The following XKR6 variants were observed in gnomAD, a reference collection of about 807,000 sequenced individuals.
XKR6 encodes the protein XK related 6, also known as XK-related protein 6.
XKR6 carries 22 observed loss-of-function variants against 56.7 expected under a neutral mutation model. The ratio of observed to expected loss-of-function variants is 0.39; its 90% CI spans 0.28 to 0.55. XKR6 has a LOEUF of 0.55. Among genes scored for constraint, XKR6 ranks in the 20% least tolerant of loss-of-function variants. XKR6 has a pLI of 0.66. For synonymous variants in XKR6, 524 were observed against 387.8 expected (o/e 1.35, Z -4.13); for missense variants, 852 against 889.0 (o/e 0.96, Z 0.53).
chr8:11,144,236 G>GTGTGTGTGTA (rs1800864482), intron 1 of XKR6, among the ~76,000 whole-genome samples: 1 of 150,506 alleles, frequency 6.6e-6, no homozygotes, highest in South Asian at 2.1e-4. Context: ...GTGTGTGTGT[G>GTGTGTGTGTA]TGTGTGTGTG....
intron 1 of XKR6, among the ~76,000 whole-genome samples, chr8:11,116,662 C>T (rs1003712372): frequency 6.6e-6 from 1 of 152,182 alleles, no homozygotes; most frequent in Non-Finnish European, 1.5e-5. Flanking sequence ...GGAGCCACTA[C>T]ACCAGGCCTA....
At chr8:11,195,114 TG>T (rs1803801290) in intron 1 of XKR6, 1 of 702,984 alleles carries the variant, frequency 1.4e-6, no homozygotes, top group Non-Finnish European at 2.6e-6. Flanking sequence ...CAAGTATTTC[TG>T]GATTTTTCAG....
intron 1 of XKR6, among the ~76,000 whole-genome samples, chr8:10,988,009 C>T (rs534274418): frequency 3.4e-4 from 52 of 152,332 alleles, no homozygotes; most frequent in African/African-American, 1.3e-3. Context: ...CCAGGGCTGT[C>T]CCCTTGTTTT....
intron 1 of XKR6, among the ~76,000 whole-genome samples, chr8:10,961,139 G>A (rs1176829108): frequency 6.6e-6 from 1 of 152,170 alleles, no homozygotes; most frequent in Admixed American, 6.5e-5. Context: ...AAGGCTGTGA[G>A]CGGATGAATC....
At chr8:11,143,762 T>C (rs1344956386) in intron 1 of XKR6, among the ~76,000 whole-genome samples, 1 of 152,136 alleles carries the variant, frequency 6.6e-6, no homozygotes, top group Non-Finnish European at 1.5e-5. Context: ...CTAAAGGGGA[T>C]TCACTTTACA....
At chr8:11,092,244 T>A (rs1166076570) in intron 1 of XKR6, among the ~76,000 whole-genome samples, 1 of 152,234 alleles carries the variant, frequency 6.6e-6, no homozygotes, top group Admixed American at 6.5e-5. Flanking sequence ...GAGTAAGAAA[T>A]GTATTTTTCA....
intron 1 of XKR6, among the ~76,000 whole-genome samples, chr8:11,197,129 T>C (rs1158608779): frequency 6.6e-6 from 1 of 152,154 alleles, no homozygotes; most frequent in Non-Finnish European, 1.5e-5. Context: ...CCACATCCCA[T>C]CTCACAAGAT....
At chr8:11,028,648 C>CACTGGGGTTCCT (rs1798923318) in intron 1 of XKR6, among the ~76,000 whole-genome samples, 1 of 152,190 alleles carries the variant, frequency 6.6e-6, no homozygotes, top group East Asian at 1.9e-4. Flanking sequence ...CATCCAATCT[C>CACTGGGGTTCCT]ACTGGGGTTC....
intron 1 of XKR6, among the ~76,000 whole-genome samples, chr8:11,126,789 G>A (rs1245996478): frequency 6.6e-6 from 1 of 152,102 alleles, no homozygotes; most frequent in Non-Finnish European, 1.5e-5. Flanking sequence ...TATAACCTCA[G>A]AGACCAGGAG....
chr8:11,114,111 G>A (rs1386153373), intron 1 of XKR6: 7 of 440,026 alleles, frequency 1.6e-5, no homozygotes, highest in Non-Finnish European at 2.7e-5. Flanking sequence ...AAAAATACAT[G>A]TGAATGAACA....
chr8:11,020,120 C>T (rs1798716886), intron 1 of XKR6, among the ~76,000 whole-genome samples: 1 of 150,732 alleles, frequency 6.6e-6, no homozygotes, highest in Non-Finnish European at 1.5e-5. Flanking sequence ...CTGTGAAGTG[C>T]TTGCTTCTGC....
intron 1 of XKR6, among the ~76,000 whole-genome samples, chr8:11,162,427 G>C (rs1360205806): frequency 6.6e-6 from 1 of 152,068 alleles, no homozygotes; most frequent in Non-Finnish European, 1.5e-5. Context: ...CTAGAGTAGA[G>C]TAATCGTGAT....
chr8:11,101,413 T>A (rs1006893016), intron 1 of XKR6, among the ~76,000 whole-genome samples: 1 of 152,218 alleles, frequency 6.6e-6, no homozygotes, highest in African/African-American at 2.4e-5. Context: ...GAATGGAGTA[T>A]TAGCAGCAGT....
At chr8:11,050,538 G>A (rs1799519475) in intron 1 of XKR6, among the ~76,000 whole-genome samples, 1 of 148,130 alleles carries the variant, frequency 6.8e-6, no homozygotes, top group Non-Finnish European at 1.5e-5. Flanking sequence ...AAAAGAGAGG[G>A]AAACAGAAGA....
chr8:11,191,650 T>C (rs1360074019), intron 1 of XKR6, among the ~76,000 whole-genome samples: 3 of 137,930 alleles, frequency 2.2e-5, no homozygotes, highest in Admixed American at 1.5e-4. Flanking sequence ...ACGCAAAATA[T>C]GAGCAGACAA....
At chr8:10,942,673 C>T (rs1801421308) in intron 1 of XKR6, among the ~76,000 whole-genome samples, 1 of 152,206 alleles carries the variant, frequency 6.6e-6, no homozygotes, top group African/African-American at 2.4e-5. Context: ...CGCCACGCTG[C>T]CCCCATTATT....
chr8:11,115,784 A>AT (rs1221706791), intron 1 of XKR6, among the ~76,000 whole-genome samples: 1 of 152,202 alleles, frequency 6.6e-6, no homozygotes, highest in Non-Finnish European at 1.5e-5. Context: ...CCAAGGCCTG[A>AT]TTTTTCACAA....
chr8:11,184,363 TA>T (rs1803153800), intron 1 of XKR6, among the ~76,000 whole-genome samples: 1 of 147,330 alleles, frequency 6.8e-6, no homozygotes, highest in Non-Finnish European at 1.5e-5. Flanking sequence ...AATAAATACA[TA>T]TTTTATATAT....
chr8:10,908,371 C>A (rs1233649951), intron 2 of XKR6, among the ~76,000 whole-genome samples: 1 of 135,270 alleles, frequency 7.4e-6, no homozygotes, highest in Non-Finnish European at 1.6e-5. Flanking sequence ...GGCTGCCCTG[C>A]CATAAACATA....
Sources: gnomAD v4.1 joint callset for allele counts (sites outside exome capture counted in the v4.1 genomes callset) on GRCh38, gnomAD v4.1.1 for gene constraint, MANE v1.5 for transcripts, NCBI Gene and HGNC (gene_info 2026-07-23, HGNC 2026-07-21) for gene names.